SPINK1: variants seen among roughly 807,000 people sequenced by gnomAD.
SPINK1 encodes the protein serine protease inhibitor Kazal-type 1.
In SPINK1, 5 loss-of-function variants were observed where a neutral mutation model predicts 9.5. That is an observed-to-expected ratio of 0.52 (90% CI 0.27 to 1.10). SPINK1 has a LOEUF of 1.10. Among genes scored for constraint, SPINK1 ranks in the 50% least tolerant of loss-of-function variants. The pLI is 0.11. For synonymous variants in SPINK1, 37 were observed against 32.3 expected (o/e 1.14, Z -0.49); for missense variants, 88 against 92.7 (o/e 0.95, Z 0.21).
upstream of SPINK1, among the ~76,000 whole-genome samples, chr5:147,833,406 C>T (rs1756542606): frequency 6.6e-6 from 1 of 152,068 alleles, no homozygotes; most frequent in Non-Finnish European, 1.5e-5. Flanking sequence ...TAATATGTTC[C>T]ATACTACTAT....
intron 3 of SPINK1, 57 bp from the exon 4 acceptor site, chr5:147,824,763 C>G: frequency 5.3e-6 from 8 of 1,516,060 alleles, no homozygotes; most frequent in Non-Finnish European, 7.3e-6. Context: ...GAAAAAGTGA[C>G]TATGGGAGAA....
upstream of SPINK1, among the ~76,000 whole-genome samples, chr5:147,836,429 A>G (rs996227604): frequency 8.6e-5 from 13 of 152,042 alleles, no homozygotes; most frequent in African/African-American, 3.1e-4. Flanking sequence ...CCCCTCGTCT[A>G]TGTAAACCCT....
chr5:147,829,130 TA>T (rs531602939), intron 2 of SPINK1, among the ~76,000 whole-genome samples: 1 of 152,148 alleles, frequency 6.6e-6, no homozygotes, highest in Non-Finnish European at 1.5e-5. Flanking sequence ...AATTACCTCT[TA>T]AACAAAAAAA....
At chr5:147,826,755 C>T (rs533338555) in intron 3 of SPINK1, among the ~76,000 whole-genome samples, 1 of 152,138 alleles carries the variant, frequency 6.6e-6, no homozygotes, top group African/African-American at 2.4e-5. Context: ...TCTAAAACTT[C>T]AGGATATTAG....
the SPINK1 span, among the ~76,000 whole-genome samples, chr5:147,837,705 C>CTTTCTTTA: frequency 7.7e-6 from 1 of 130,082 alleles, no homozygotes; most frequent in Non-Finnish European, 1.7e-5. Flanking sequence ...TTCTTTCTTT[C>CTTTCTTTA]TTTCTTTCTT....
At chr5:147,838,346 A>G in the SPINK1 span, among the ~76,000 whole-genome samples, 1 of 152,236 alleles carries the variant, frequency 6.6e-6, no homozygotes, top group Non-Finnish European at 1.5e-5. Context: ...ACCACATTTC[A>G]GATAAGGAAA....
At chr5:147,824,758 A>G in intron 3 of SPINK1, 52 bp from the exon 4 acceptor site, 1 of 1,555,512 alleles carries the variant, frequency 6.4e-7, no homozygotes, top group South Asian at 1.1e-5. Context: ...CTGATGAAAA[A>G]GTGACTATGG....
upstream of SPINK1, among the ~76,000 whole-genome samples, chr5:147,835,762 G>C: frequency 6.6e-6 from 1 of 152,064 alleles, no homozygotes; most frequent in Middle Eastern, 3.4e-3. Context: ...TAACTAGTAA[G>C]AAAAAAATGA....
upstream of SPINK1, among the ~76,000 whole-genome samples, chr5:147,833,247 G>A (rs1756539442): frequency 2.6e-5 from 4 of 152,128 alleles, no homozygotes; most frequent in East Asian, 7.7e-4. Flanking sequence ...AAGTGATAGA[G>A]GGCAAAATGG....
At position 147,831,641 on chromosome 5, in the gene SPINK1, A is replaced by G; in HGVS notation, c.-64T>C. 1 of 1,604,148 alleles carries G rather than the reference A, an allele frequency of 6.2e-7. No individual in the cohort carries two copies. Among genetic ancestry groups the G allele is most frequent in the Non-Finnish European group, 8.5e-7 (1 of 1,176,130 alleles). On this transcript the variant is annotated 5_prime_UTR_variant, in exon 1 of 4. Transcript: ENST00000296695. ...ACCGCACTTACCACGTCTCTTCAGA[A>G]GCCTGGGACTGGAAGGGTCATATGG... is the stretch of plus-strand genomic sequence containing the variant.
intron 2 of SPINK1, among the ~76,000 whole-genome samples, chr5:147,828,894 C>T (rs553796065): frequency 6.8e-6 from 1 of 147,766 alleles, no homozygotes; most frequent in Non-Finnish European, 1.5e-5. Context: ...TACTAACACT[C>T]ATTTTTTTTT....
At chr5:147,830,196 A>G (rs568708884) in intron 1 of SPINK1, among the ~76,000 whole-genome samples, 5 of 152,342 alleles carry the variant, frequency 3.3e-5, no homozygotes, top group African/African-American at 1.2e-4. Flanking sequence ...CCAACTCACT[A>G]TCAGTTCCCA....
At position 147,831,553 on chromosome 5, in the gene SPINK1, G is replaced by A; in HGVS notation, c.25C>T (p.Leu9Phe). The change falls in exon 1 of 4, where the codon CTC becomes TTC. Residue 9 changes from leucine to phenylalanine, a missense_variant. Transcript: ENST00000296695. MKVTGIFL[L>F]SALALLSLSG... ...AGACTCAACAGGGCCAAGGCACTGA[G>A]AAGAAAGATGCCTGTTACCTTCATG... The A allele has an allele frequency of 6.2e-7, 1 of 1,613,678 alleles. No individual in the cohort carries two copies.
chr5:147,824,941 T>C (rs1247189357), intron 3 of SPINK1, among the ~76,000 whole-genome samples: 1 of 152,208 alleles, frequency 6.6e-6, no homozygotes, highest in Admixed American at 6.5e-5. Context: ...AAAATATCTG[T>C]CCTTACAGTT....
At chr5:147,825,453 T>C (rs986234410) in intron 3 of SPINK1, among the ~76,000 whole-genome samples, 7 of 150,590 alleles carry the variant, frequency 4.6e-5, no homozygotes, top group African/African-American at 1.7e-4. Flanking sequence ...CTTTTTTTTC[T>C]TTTTTTAAGA....
intron 3 of SPINK1, among the ~76,000 whole-genome samples, chr5:147,824,969 G>A (rs1756374546): frequency 2.0e-5 from 3 of 152,268 alleles, no homozygotes; most frequent in South Asian, 4.1e-4. Context: ...ATCTCGTGGG[G>A]TGTTACAGTG....
chr5:147,838,551 A>C, the SPINK1 span, among the ~76,000 whole-genome samples: 1 of 152,164 alleles, frequency 6.6e-6, no homozygotes, highest in Non-Finnish European at 1.5e-5. Context: ...ATATGTCTCC[A>C]GACTCTAGTT....
At chr5:147,830,381 A>T (rs1756488268) in intron 1 of SPINK1, among the ~76,000 whole-genome samples, 1 of 152,198 alleles carries the variant, frequency 6.6e-6, no homozygotes, top group South Asian at 2.1e-4. Flanking sequence ...AAGGGAACTA[A>T]TATGATAGCA....
Position 147,829,610 on chromosome 5 carries a change from G to T in SPINK1, c.76C>A (p.Leu26Met). ...SLSGNTGADS[L>M]GREAKCYNEL... ...AAATATCTCTTTACCTCTCTTCCCA[G>T]GGAGTCAGCTCCAGTGTTACCTAGA... Residue 26 changes from leucine to methionine, a missense_variant, in exon 2 of 4, where the codon CTG becomes ATG. Transcript: ENST00000296695. 1 of 1,612,636 alleles carries T rather than the reference G, an allele frequency of 6.2e-7. No individual in the cohort carries two copies.
Sources: gnomAD v4.1 joint callset for allele counts (sites outside exome capture counted in the v4.1 genomes callset) on GRCh38, gnomAD v4.1.1 for gene constraint, MANE v1.5 for transcripts, NCBI Gene and HGNC (gene_info 2026-07-23, HGNC 2026-07-21) for gene names.